The following LDAH variants were observed in gnomAD, a reference collection of about 807,000 sequenced individuals.
LDAH encodes lipid droplet-associated hydrolase.
Under a neutral mutation model 29.6 loss-of-function variants are expected in LDAH, and 26 were observed. That is an observed-to-expected ratio of 0.88 (90% CI 0.64 to 1.22). LDAH has a LOEUF of 1.22. LDAH is among the 50% of genes most tolerant of loss of function. The pLI is 0.00. For synonymous variants in LDAH, 117 were observed against 133.0 expected, an observed-to-expected ratio of 0.88 and a Z score of 0.83; for missense variants, 344 against 387.3, an observed-to-expected ratio of 0.89 and a Z score of 0.94.
intron 4 of LDAH, among the ~76,000 whole-genome samples, chr2:20,744,019 C>A (rs898962908): frequency 6.6e-6 from 1 of 151,690 alleles, no homozygotes; most frequent in South Asian, 2.1e-4. Context: ...TTTTATTTTA[C>A]GGTGTTTTTA....
chr2:20,711,837 G>T (rs1271199237), intron 5 of LDAH, among the ~76,000 whole-genome samples: 1 of 152,198 alleles, frequency 6.6e-6, no homozygotes, highest in Non-Finnish European at 1.5e-5. Flanking sequence ...CAGGGGGAGG[G>T]GCGTCCACCA....
intron 5 of LDAH, among the ~76,000 whole-genome samples, chr2:20,730,701 C>A (rs919074634): frequency 4.6e-5 from 7 of 150,984 alleles, no homozygotes; most frequent in African/African-American, 1.7e-4. Context: ...GGTTCATTTC[C>A]TTCCTTCCTT....
rs1662520947 is a variant in LDAH, at chr2:20,685,796, C to A, written c.*1107G>T. 2.0e-6 allele frequency: 2 copies of A among 1,020,000 alleles called. No individual in the cohort carries two copies. Among genetic ancestry groups the A allele is most frequent in the Non-Finnish European group, 1.4e-6 (1 of 723,536 alleles). The allele number at this position is 1,020,000 out of a possible 1,614,324, so 63.2% of individuals were successfully genotyped here. ...GGGAATATGTGTCTTCTCTGCCATA[C>A]CTCAATGTGTCTAGAGAAGGTGAAT... On this transcript the variant is annotated 3_prime_UTR_variant, in exon 7 of 7. Transcript: ENST00000237822.
At chr2:20,822,800 A>C (rs1357951131) in intron 1 of LDAH, among the ~76,000 whole-genome samples, 1 of 152,162 alleles carries the variant, frequency 6.6e-6, no homozygotes, top group Non-Finnish European at 1.5e-5. Context: ...CAAATGCTGC[A>C]TTACCGCGCT....
In LDAH at chr2:20,808,966, T is replaced by G. The variant is rs146071457; in HGVS notation, c.-2-7501A>C. On this transcript the variant is annotated intron_variant, in intron 1 of 6. Coordinates refer to ENST00000237822, the MANE Select transcript of LDAH (RefSeq NM_021925.4). ...TTCTCACACCACAGACAAAATATAG[T>G]ACTAGGTATATTATAGATCTAAATG... 2.8e-3 allele frequency among the ~76,000 whole-genome samples: 432 copies of G among 152,168 alleles called. 3 individuals carry two copies. Among genetic ancestry groups the G allele is most frequent in the African/African-American group, 9.8e-3 (407 of 41,530 alleles).
chr2:20,740,482 A>G (rs1480874689), intron 4 of LDAH, among the ~76,000 whole-genome samples: 2 of 151,928 alleles, frequency 1.3e-5, no homozygotes, highest in Non-Finnish European at 2.9e-5. Context: ...CTCATTTTTT[A>G]TATTTTTGTA....
intron 4 of LDAH, among the ~76,000 whole-genome samples, chr2:20,762,981 G>A (rs1668792395): frequency 6.6e-6 from 1 of 152,152 alleles, no homozygotes; most frequent in South Asian, 2.1e-4. Context: ...ACACCAAAGA[G>A]CTTCAATCAA....
chr2:20,813,581 A>G (rs546561572), intron 1 of LDAH, among the ~76,000 whole-genome samples: 1 of 152,276 alleles, frequency 6.6e-6, no homozygotes, highest in South Asian at 2.1e-4. Context: ...ATTCATATCT[A>G]CCAGTGCTTT....
chr2:20,786,560 T>C (rs180751204), intron 3 of LDAH, among the ~76,000 whole-genome samples: 89 of 152,334 alleles, frequency 5.8e-4, no homozygotes, highest in African/African-American at 2.0e-3. Flanking sequence ...TTCTTGTTTT[T>C]TTTTCCTCCA....
At chr2:20,821,528 ACAC>A (rs1403943018) in intron 1 of LDAH, among the ~76,000 whole-genome samples, 1 of 152,076 alleles carries the variant, frequency 6.6e-6, no homozygotes, top group African/African-American at 2.4e-5. Context: ...AAAAAACCAA[ACAC>A]CACATGTTCT....
chr2:20,792,308 C>G (rs947086600), intron 2 of LDAH, among the ~76,000 whole-genome samples: 1 of 152,008 alleles, frequency 6.6e-6, no homozygotes, highest in Non-Finnish European at 1.5e-5. Context: ...ACATGCCAGG[C>G]AGTGTTTAGG....
chr2:20,807,854 CA>C (rs1672180313), intron 1 of LDAH, among the ~76,000 whole-genome samples: 1 of 137,454 alleles, frequency 7.3e-6, no homozygotes, highest in Non-Finnish European at 1.6e-5. Flanking sequence ...AATAAGAAAA[CA>C]AAAAAAGATA....
intron 5 of LDAH, among the ~76,000 whole-genome samples, chr2:20,704,213 T>C (rs1664152068): frequency 6.6e-6 from 1 of 152,200 alleles, no homozygotes; most frequent in African/African-American, 2.4e-5. Context: ...CTTTAATCAT[T>C]CTTGTCTGTC....
intron 3 of LDAH, among the ~76,000 whole-genome samples, chr2:20,788,153 G>A (rs1214278392): frequency 7.2e-5 from 11 of 152,012 alleles, no homozygotes; most frequent in Admixed American, 7.2e-4. Flanking sequence ...ATACAATAAA[G>A]GAAGGTAATC....
chr2:20,759,500 T>C (rs1296408934), intron 4 of LDAH, among the ~76,000 whole-genome samples: 2 of 152,160 alleles, frequency 1.3e-5, no homozygotes, highest in Non-Finnish European at 2.9e-5. Flanking sequence ...GTGGCCTACA[T>C]TGCATATTGT....
Position 20,753,700 on chromosome 2 carries a change from C to T in LDAH, c.469-13495G>A, listed in dbSNP as rs184460992. Among the ~76,000 whole-genome samples the T allele has an allele frequency of 1.2e-3, 184 of 152,296 alleles. 2 individuals are homozygous for T. Among genetic ancestry groups the T allele is most frequent in the African/African-American group, 4.3e-3 (180 of 41,566 alleles). ...GCTGTTTCTCAAACAGGCATACTCACGGCCTTAAAGCCTTTGTAATAACTA... is the reference window on the plus strand; with the variant it reads ...GCTGTTTCTCAAACAGGCATACTCATGGCCTTAAAGCCTTTGTAATAACTA... On this transcript the variant is annotated intron_variant, in intron 4 of 6. Transcript: ENST00000237822.
chr2:20,789,115 C>G, intron 3 of LDAH: 1 of 1,550,042 alleles, frequency 6.5e-7, no homozygotes, highest in Non-Finnish European at 8.7e-7. Context: ...ACCTCCATGC[C>G]CTAAATCCAA....
intron 2 of LDAH, among the ~76,000 whole-genome samples, chr2:20,798,621 A>G (rs1308575095): frequency 6.7e-6 from 1 of 149,880 alleles, no homozygotes; most frequent in Non-Finnish European, 1.5e-5. Flanking sequence ...TCATAATAAT[A>G]AAAGCACTGA....
chr2:20,728,761 A>G (rs1425161488), intron 5 of LDAH, among the ~76,000 whole-genome samples: 2 of 152,142 alleles, frequency 1.3e-5, no homozygotes, highest in Non-Finnish European at 2.9e-5. Context: ...ACAGGTAACT[A>G]ACTACTGCCT....
Sources: allele counts gnomAD v4.1 joint callset (sites outside exome capture counted in the v4.1 genomes callset), GRCh38; gene constraint gnomAD v4.1.1; transcripts MANE v1.5; gene names NCBI Gene and HGNC (gene_info 2026-07-23, HGNC 2026-07-21).